CLIP4: variants seen among roughly 807,000 people sequenced by gnomAD.
CLIP4 encodes CAP-Gly domain-containing linker protein 4.
Under a neutral mutation model 73.1 loss-of-function variants are expected in CLIP4, and 47 were observed. The ratio of observed to expected loss-of-function variants is 0.64; its 90% CI spans 0.51 to 0.82. The LOEUF is 0.82. Ranked by LOEUF, CLIP4 falls within the 40% of genes least tolerant of loss-of-function variation. The probability of loss-of-function intolerance (pLI) is 0.00; values close to 1 mark genes in which losing one functional copy is unlikely to be tolerated. For synonymous variants in CLIP4, 306 were observed against 295.4 expected (o/e 1.04, Z -0.37); for missense variants, 874 against 852.9 (o/e 1.02, Z -0.31).
chr2:29,135,862 ATAT>A lies in CLIP4; in HGVS notation c.648+198_648+200del, dbSNP rs1256269711. ...AAGGCATAATGATAAATTTCCTTTT[ATAT>A]TGATAAGTCCCATTCAGGAAAGTAA... is the stretch of plus-strand genomic sequence containing the variant. On this transcript the variant is annotated intron_variant, in intron 6 of 15. Transcript: ENST00000320081. 2.6e-5 allele frequency among the ~76,000 whole-genome samples: 4 copies of A among 152,288 alleles called. No individual in the cohort carries two copies. In the East Asian group the frequency reaches 7.7e-4, roughly 29 times the overall value.
At chr2:29,157,472 C>T in intron 11 of CLIP4, 125 bp downstream of exon 11, 2 of 1,470,644 alleles carry the variant, frequency 1.4e-6, no homozygotes, top group Non-Finnish European at 9.4e-7. Context: ...ACTACTTTTA[C>T]TCTTCCCCAC....
intron 8 of CLIP4, among the ~76,000 whole-genome samples, chr2:29,147,187 G>T (rs1666229712): frequency 1.3e-5 from 2 of 151,830 alleles, no homozygotes; most frequent in African/African-American, 4.8e-5. Context: ...ATTTTAATTG[G>T]TATTTCTCTT....
Position 29,160,337 on chromosome 2 carries a change from G to C in CLIP4, c.1404G>C (p.Leu468Phe). The C allele has an allele frequency of 1.9e-6, 3 of 1,613,998 alleles. No individual in the cohort carries two copies. The highest frequency in any genetic ancestry group is 2.5e-6 in the Non-Finnish European group (3 of 1,179,976). ...ATCCCTCCCTGACTTAAACAGGTTT[G>C]AATTCCTCAGCAACATCTACAGCAA... ...PSLSSRASAG[L>F]NSSATSTANN... Residue 468 changes from leucine to phenylalanine, a missense_variant, in exon 12 of 16, where the codon TTG (leucine) becomes TTC (phenylalanine). Coordinates refer to ENST00000320081, the MANE Select transcript of CLIP4 (RefSeq NM_024692.6).
chr2:29,153,404 C>G (rs1264716684), intron 9 of CLIP4, among the ~76,000 whole-genome samples: 2 of 152,140 alleles, frequency 1.3e-5, no homozygotes, highest in Non-Finnish European at 2.9e-5. Flanking sequence ...AATTTGACTT[C>G]TGCCTTTTGA....
chr2:29,165,760 G>C (rs1387570727), intron 13 of CLIP4, among the ~76,000 whole-genome samples: 1 of 152,048 alleles, frequency 6.6e-6, no homozygotes, highest in Non-Finnish European at 1.5e-5. Flanking sequence ...GCATATTTTA[G>C]GCACGGTAAA....
In CLIP4 at chr2:29,143,710, A is replaced by G. The variant is rs1665944375; in HGVS notation, c.650A>G (p.Asn217Ser). 2 of 1,596,840 alleles carry G rather than the reference A, an allele frequency of 1.3e-6. No homozygotes were observed. The highest frequency in any genetic ancestry group is 1.1e-5 in the South Asian group (1 of 90,650). ...LEQGANPAFR[N>S]DKGQIPADVV... is the part of the protein sequence containing the mutation. Reference sequence around the variant, plus strand: ...TTTTTCTCTTATCTTTATTTGTAGAATGACAAAGGACAGATCCCTGCTGAT... The same window carrying G: ...TTTTTCTCTTATCTTTATTTGTAGAGTGACAAAGGACAGATCCCTGCTGAT... The change falls in exon 7 of 16, where the codon AAT (asparagine) becomes AGT (serine). Residue 217 changes from asparagine to serine, a missense_variant and splice_region_variant. Coordinates refer to ENST00000320081, the MANE Select transcript of CLIP4 (RefSeq NM_024692.6).
intron 2 of CLIP4, among the ~76,000 whole-genome samples, chr2:29,124,901 C>A (rs992589557): frequency 6.6e-6 from 1 of 152,076 alleles, no homozygotes; most frequent in Non-Finnish European, 1.5e-5. Context: ...TCTATTATTC[C>A]CCTGATTATG....
chr2:29,118,126 A>G (rs1177692126), intron 1 of CLIP4: 1 of 152,246 alleles, frequency 6.6e-6, no homozygotes, highest in East Asian at 1.9e-4. Flanking sequence ...AGGAAATTGA[A>G]TGAAAGGGCC....
At chr2:29,172,281 C>T (rs1439458451) in intron 14 of CLIP4, among the ~76,000 whole-genome samples, 1 of 151,974 alleles carries the variant, frequency 6.6e-6, no homozygotes, top group African/African-American at 2.4e-5. Flanking sequence ...CTCATTAACC[C>T]TCAGAATTTG....
At chr2:29,115,117 A>G (rs1415879777), upstream of CLIP4, 1 of 152,424 alleles carries the variant, frequency 6.6e-6, no homozygotes. This position sits in a 1 kb window ranked among gnomAD's most constrained non-coding sequence, Gnocchi z 5.1. Context: ...ACTCTTGACC[A>G]CGCTCGGCTG....
At chr2:29,169,568 A>C (rs1010821852) in intron 14 of CLIP4, among the ~76,000 whole-genome samples, 1 of 152,144 alleles carries the variant, frequency 6.6e-6, no homozygotes, top group Non-Finnish European at 1.5e-5. Flanking sequence ...TCAGCCTGTA[A>C]CAGATGCTGA....
chr2:29,124,926 C>G (rs2148471150), intron 2 of CLIP4, among the ~76,000 whole-genome samples: 1 of 152,296 alleles, frequency 6.6e-6, no homozygotes, highest in East Asian at 1.9e-4. Flanking sequence ...ATGTTTTCTT[C>G]TTTCTTTGCT....
chr2:29,163,789 A>G, intron 12 of CLIP4, 42 bp from the exon 13 acceptor site: 1 of 1,573,464 alleles, frequency 6.4e-7, no homozygotes, highest in Non-Finnish European at 8.6e-7. Context: ...AGAGTTTTGG[A>G]TAAAGTACAG....
At chr2:29,116,465 A>C (rs1572868710) in intron 1 of CLIP4, among the ~76,000 whole-genome samples, 1 of 152,318 alleles carries the variant, frequency 6.6e-6, no homozygotes, top group East Asian at 1.9e-4. Context: ...TTCAGTAAAC[A>C]CCTTCCTCAG....
At chr2:29,173,507 T>C (rs1344198156) in intron 14 of CLIP4, among the ~76,000 whole-genome samples, 5 of 152,248 alleles carry the variant, frequency 3.3e-5, no homozygotes, top group African/African-American at 1.2e-4. Context: ...CCAGGTTCTC[T>C]GGAATTCAGC....
At chr2:29,152,656 T>C (rs1156455515) in intron 8 of CLIP4, 29 bp from the exon 9 acceptor site, 4 of 1,604,206 alleles carry the variant, frequency 2.5e-6, no homozygotes, top group Non-Finnish European at 3.4e-6. Flanking sequence ...TTTAATTGTT[T>C]AACACTAAAA....
chr2:29,108,142 T>C (rs1190659705), intron 1 of CLIP4, among the ~76,000 whole-genome samples: 1 of 152,212 alleles, frequency 6.6e-6, no homozygotes, highest in South Asian at 2.1e-4. Flanking sequence ...ATCCTATATG[T>C]ACTATGTATT....
At chr2:29,145,854 G>A (rs1327977606) in intron 8 of CLIP4, among the ~76,000 whole-genome samples, 1 of 152,198 alleles carries the variant, frequency 6.6e-6, no homozygotes, top group Non-Finnish European at 1.5e-5. Flanking sequence ...GATAATTGTT[G>A]TATTTTCAGT....
intron 1 of CLIP4, among the ~76,000 whole-genome samples, chr2:29,102,771 G>A (rs910046615): frequency 4.6e-5 from 7 of 151,960 alleles, no homozygotes; most frequent in Non-Finnish European, 2.9e-5. Flanking sequence ...GATTACCGGT[G>A]CCCACCACCA....
Sources: gnomAD v4.1 joint callset for allele counts (sites outside exome capture counted in the v4.1 genomes callset) on GRCh38, gnomAD v4.1.1 for gene constraint, Gnocchi (gnomAD v3.1) non-coding constraint, MANE v1.5 for transcripts, NCBI Gene and HGNC (gene_info 2026-07-23, HGNC 2026-07-21) for gene names.